Variants in KLHL1 observed in about 807,000 individuals in gnomAD.
KLHL1 encodes kelch like family member 1.
KLHL1 carries 47 observed loss-of-function variants against 77.7 expected under a neutral mutation model. The ratio of observed to expected loss-of-function variants is 0.60; its 90% CI spans 0.48 to 0.77. KLHL1 has a LOEUF of 0.77. Ranked by LOEUF, KLHL1 falls within the 30% of genes least tolerant of loss-of-function variation. The pLI is 0.00. For missense variants in KLHL1, 925 were observed against 910.8 expected, an observed-to-expected ratio of 1.02 and a Z score of -0.20; for synonymous variants, 360 against 325.2, an observed-to-expected ratio of 1.11 and a Z score of -1.15.
chr13:69,915,115 A>G (rs1454131072), intron 4 of KLHL1, among the ~76,000 whole-genome samples: 8 of 152,194 alleles, frequency 5.3e-5, no homozygotes, highest in Non-Finnish European at 1.0e-4. Flanking sequence ...ATGGAAGAAC[A>G]TTCCATGCTC....
intron 6 of KLHL1, 73 bp downstream of exon 6, chr13:69,838,903 C>A: frequency 1.1e-6 from 1 of 951,086 alleles, no homozygotes; most frequent in Non-Finnish European, 1.5e-6. Flanking sequence ...TTTGTAGTAT[C>A]ACCATTACAA....
intron 7 of KLHL1, among the ~76,000 whole-genome samples, chr13:69,779,344 C>G (rs530937679): frequency 6.6e-6 from 1 of 151,120 alleles, no homozygotes; most frequent in South Asian, 2.1e-4. Context: ...TTCCTTCCTT[C>G]CCTCCTCTTT....
intron 1 of KLHL1, among the ~76,000 whole-genome samples, chr13:70,093,926 C>A (rs1404846323): frequency 4.6e-5 from 7 of 151,816 alleles, no homozygotes; most frequent in African/African-American, 1.5e-4. Flanking sequence ...AATAATTAAC[C>A]AAGTAAGAAT....
rs564769320 is a variant in KLHL1, at chr13:69,730,883, G to A, written c.1802+9511C>T. Among the ~76,000 whole-genome samples the A allele has an allele frequency of 2.0e-5, 3 of 152,140 alleles. No individual in the cohort carries two copies. In the East Asian group the frequency reaches 5.8e-4, roughly 29 times the overall value. ...GGGTGAGCCACTGTGCCTGGACGGA[G>A]AACATTCATTCTACTATTATTGTAA... On this transcript the variant is annotated intron_variant, in intron 8 of 10. Coordinates refer to ENST00000377844, the MANE Select transcript of KLHL1 (RefSeq NM_020866.3).
At chr13:69,950,170 T>C (rs1195092659) in intron 3 of KLHL1, among the ~76,000 whole-genome samples, 1 of 151,656 alleles carries the variant, frequency 6.6e-6, no homozygotes, top group Non-Finnish European at 1.5e-5. Flanking sequence ...AAAGAGCAGT[T>C]CAAAAGTAGC....
intron 1 of KLHL1, among the ~76,000 whole-genome samples, chr13:70,101,467 C>T (rs1286001313): frequency 6.6e-6 from 1 of 151,954 alleles, no homozygotes; most frequent in Non-Finnish European, 1.5e-5. Flanking sequence ...TCGCTCTTGT[C>T]CCCCAGGCTG....
At chr13:70,028,351 A>G (rs1335147799) in intron 1 of KLHL1, among the ~76,000 whole-genome samples, 3 of 152,184 alleles carry the variant, frequency 2.0e-5, no homozygotes, top group Non-Finnish European at 4.4e-5. Flanking sequence ...TTCAGTATAT[A>G]TATAGACAGA....
chr13:69,937,654 G>A (rs17085712), intron 4 of KLHL1, among the ~76,000 whole-genome samples: 7,554 of 152,112 alleles, frequency 0.05, 441 homozygotes, highest in African/African-American at 0.14. Context: ...TCTACCTGAT[G>A]CTGAGCTCGC....
At chr13:69,707,839 T>C (rs375869784) in intron 9 of KLHL1, 43 bp from the exon 10 acceptor site, 33 of 1,473,798 alleles carry the variant, frequency 2.2e-5, no homozygotes, top group Non-Finnish European at 2.8e-5. Context: ...TCTAATCACA[T>C]TCAACTTTTA....
chr13:69,895,523 C>T (rs906015762), intron 4 of KLHL1, among the ~76,000 whole-genome samples: 1 of 152,080 alleles, frequency 6.6e-6, no homozygotes, highest in Non-Finnish European at 1.5e-5. Context: ...GCTGCTGTAA[C>T]AAATCACCAT....
chr13:70,052,208 A>T (rs990632472), intron 1 of KLHL1, among the ~76,000 whole-genome samples: 6 of 151,940 alleles, frequency 3.9e-5, no homozygotes, highest in Admixed American at 3.3e-4. Context: ...TGAAGCCACA[A>T]TGGTAATATG....
chr13:69,797,537 C>T (rs1038982967), intron 6 of KLHL1, among the ~76,000 whole-genome samples: 2 of 151,884 alleles, frequency 1.3e-5, no homozygotes, highest in African/African-American at 2.4e-5. Flanking sequence ...AGAGCTTAGG[C>T]CAGGCGCAAT....
At chr13:69,872,623 C>T (rs926682515) in intron 5 of KLHL1, among the ~76,000 whole-genome samples, 4 of 152,208 alleles carry the variant, frequency 2.6e-5, no homozygotes, top group Non-Finnish European at 5.9e-5. Context: ...GTCACTTTCT[C>T]TTGGGGAGAC....
At chr13:70,014,522 C>T (rs113410692) in intron 1 of KLHL1, among the ~76,000 whole-genome samples, 1 of 151,050 alleles carries the variant, frequency 6.6e-6, no homozygotes, top group African/African-American at 2.4e-5. Context: ...TTAAGAAAAT[C>T]ATCACTGAGT....
chr13:69,957,919 A>G (rs1883945284), intron 3 of KLHL1, among the ~76,000 whole-genome samples: 1 of 151,942 alleles, frequency 6.6e-6, no homozygotes, highest in African/African-American at 2.4e-5. Flanking sequence ...ACACCAGTGT[A>G]AATTTTCTTT....
intron 1 of KLHL1, among the ~76,000 whole-genome samples, chr13:70,099,158 T>C (rs777301261): frequency 3.3e-5 from 5 of 151,828 alleles, no homozygotes; most frequent in Non-Finnish European, 5.9e-5. Flanking sequence ...TTTTTAAGTT[T>C]TACAATTTAA....
At chr13:69,736,735 AGAAAT>A (rs1873782112) in intron 8 of KLHL1, among the ~76,000 whole-genome samples, 1 of 152,102 alleles carries the variant, frequency 6.6e-6, no homozygotes, top group Admixed American at 6.6e-5. Context: ...AGCCATAAAA[AGAAAT>A]GAAATAATGG....
chr13:69,710,252 A>T (rs544372611), intron 9 of KLHL1, among the ~76,000 whole-genome samples: 2 of 151,874 alleles, frequency 1.3e-5, no homozygotes, highest in East Asian at 1.9e-4. Flanking sequence ...ATACATATTT[A>T]AAAAATACTA....
chr13:69,871,449 C>T (rs1031991536), intron 5 of KLHL1, among the ~76,000 whole-genome samples: 1 of 152,188 alleles, frequency 6.6e-6, no homozygotes, highest in Non-Finnish European at 1.5e-5. Flanking sequence ...GATTGCTCCA[C>T]AGCATCCTTG....
Sources: gnomAD v4.1 joint callset for allele counts (sites outside exome capture counted in the v4.1 genomes callset) on GRCh38, gnomAD v4.1.1 for gene constraint, MANE v1.5 for transcripts, NCBI Gene and HGNC (gene_info 2026-07-23, HGNC 2026-07-21) for gene names.